Variants in SEC14L6 observed in about 807,000 individuals in gnomAD.
The protein encoded by SEC14L6 is SEC14 like lipid binding 6, also known as SEC14-like protein 6.
A neutral mutation model predicts 54.1 loss-of-function variants in SEC14L6; 40 were observed. That is an observed-to-expected ratio of 0.74 (90% CI 0.57 to 0.96). The LOEUF (loss-of-function observed/expected upper bound fraction) is 0.96, where lower values mean the gene tolerates loss of function less well. Ranked by LOEUF, SEC14L6 falls within the 40% of genes least tolerant of loss-of-function variation. The pLI is 0.00. For synonymous variants in SEC14L6, 171 were observed against 198.4 expected (o/e 0.86, Z 1.16); for missense variants, 471 against 498.3 (o/e 0.95, Z 0.52).
intron 2 of SEC14L6, among the ~76,000 whole-genome samples, chr22:30,537,578 T>TGG (rs1340304412): frequency 6.6e-6 from 1 of 152,204 alleles, no homozygotes; most frequent in Non-Finnish European, 1.5e-5. Context: ...GATGTCAGCC[T>TGG]GGGCTTCAGA....
intron 1 of SEC14L6, chr22:30,543,276 G>A (rs2085757082): frequency 6.3e-7 from 1 of 1,586,958 alleles, no homozygotes; most frequent in Admixed American, 1.7e-5. Context: ...TCACCTTGCG[G>A]GGGGACTCTT....
chr22:30,529,372 T>C, intron 6 of SEC14L6, 23 bp from the exon 7 acceptor site: 1 of 1,544,378 alleles, frequency 6.5e-7, no homozygotes, highest in Non-Finnish European at 8.8e-7. Context: ...GTGGCAGAAG[T>C]GATGGGCGTC....
intron 2 of SEC14L6, among the ~76,000 whole-genome samples, chr22:30,535,892 T>A (rs1361490064): frequency 0.058 from 8,418 of 144,626 alleles, 753 homozygotes; most frequent in African/African-American, 0.19. Context: ...TTTGTGTTTT[T>A]TTTTTTTTTT....
intron 1 of SEC14L6, chr22:30,543,871 C>A: frequency 6.4e-7 from 1 of 1,554,488 alleles, no homozygotes; most frequent in Non-Finnish European, 8.9e-7. Flanking sequence ...CCTGAACCTG[C>A]CCAAGGGGAA....
intron 3 of SEC14L6, 106 bp downstream of exon 3, chr22:30,533,890 G>A: frequency 9.2e-7 from 1 of 1,090,280 alleles, no homozygotes; most frequent in Non-Finnish European, 1.3e-6. Flanking sequence ...ATGAATGGGT[G>A]TTCCATGAAT....
intron 8 of SEC14L6, among the ~76,000 whole-genome samples, chr22:30,527,380 C>T (rs985714565): frequency 6.6e-6 from 1 of 151,516 alleles, no homozygotes; most frequent in Non-Finnish European, 1.5e-5. Flanking sequence ...ATAAAAGAAC[C>T]AAATAACCCA....
At chr22:30,546,563 G>T in intron 1 of SEC14L6, 66 bp downstream of exon 1, 1 of 1,442,208 alleles carries the variant, frequency 6.9e-7, no homozygotes. Context: ...GGGACCTTGA[G>T]TCCTGCCCTT....
At chr22:30,527,535 C>T (rs80280384) in intron 8 of SEC14L6, among the ~76,000 whole-genome samples, 1,706 of 151,670 alleles carry the variant, frequency 0.011, 26 homozygotes, top group African/African-American at 0.039. Context: ...TCTGTGTGAG[C>T]GCTACACTGA....
Position 30,531,962 on chromosome 22 carries a change from CA to C in SEC14L6, c.459del (p.Phe153LeufsTer8). 6.4e-7 allele frequency: 1 copy of C among 1,550,674 alleles called. No individual in the cohort carries two copies. On this transcript the variant is annotated frameshift_variant, in exon 6 of 12. Transcript: ENST00000402034. LOFTEE classifies it high-confidence loss of function. The part of the protein sequence containing the change: ...GKRVEKIIAI[F>X]GLEGLGLRDL... Reference sequence around the variant, plus strand: ...TCCCTCAGGCCCAGCCCTTCGAGACCAAAAATAGCTATGATTTTCTCCACCC... The same window carrying C: ...TCCCTCAGGCCCAGCCCTTCGAGACCAAAATAGCTATGATTTTCTCCACCC...
At chr22:30,537,871 C>T (rs1017468268) in intron 2 of SEC14L6, among the ~76,000 whole-genome samples, 1 of 152,218 alleles carries the variant, frequency 6.6e-6, no homozygotes, top group Admixed American at 6.5e-5. Flanking sequence ...CCAAACTCCT[C>T]TGCTTGACTC....
intron 5 of SEC14L6, chr22:30,532,270 A>T: frequency 1.0e-6 from 1 of 985,384 alleles, no homozygotes; most frequent in Non-Finnish European, 1.2e-6. Context: ...CTCTCGTCCA[A>T]TGAGGCTGCA....
At chr22:30,528,441 T>TTTTTTTTTTTTGG (rs1936854816) in intron 8 of SEC14L6, among the ~76,000 whole-genome samples, 1 of 145,648 alleles carries the variant, frequency 6.9e-6, no homozygotes, top group Admixed American at 6.9e-5. Flanking sequence ...TTTTTTTTTT[T>TTTTTTTTTTTTGG]GAGATAGGGT....
chr22:30,527,389 C>G (rs1936811397), intron 8 of SEC14L6, among the ~76,000 whole-genome samples: 1 of 151,756 alleles, frequency 6.6e-6, no homozygotes, highest in African/African-American at 2.4e-5. Context: ...CCAAATAACC[C>G]AATGTAAAAT....
rs1294300637 is a variant in SEC14L6, at chr22:30,525,166, T to C, written c.1082-57A>G. On this transcript the variant is annotated intron_variant, in intron 11 of 11. Transcript: ENST00000402034. ...GCCCCACCTGGGACTCTGACTTCCA[T>C]GGTGGTAAATCTCTGCGTGGGTACC... is the stretch of plus-strand genomic sequence containing the variant. 3.9e-6 allele frequency: 5 copies of C among 1,279,658 alleles called. No homozygotes were observed. The East Asian group carries it at 1.0e-4, about 26-fold the overall frequency. 79.3% of individuals were successfully genotyped at this position (1,279,658 alleles called of 1,614,324 possible). A position where few individuals can be genotyped will look rare whatever the true frequency, so the allele number is the denominator to read the frequency against.
At chr22:30,534,171 T>C (rs2899151) in intron 2 of SEC14L6, 132 bp from the exon 3 acceptor site, 528,441 of 725,126 alleles carry the variant, frequency 0.73, 194,747 homozygotes, top group Middle Eastern at 0.79. Flanking sequence ...GTTCTTGACC[T>C]GGGGAGCCAC....
chr22:30,539,970 A>C (rs1057181234), intron 1 of SEC14L6, among the ~76,000 whole-genome samples: 1 of 152,198 alleles, frequency 6.6e-6, no homozygotes, highest in African/African-American at 2.4e-5. Context: ...TGAATATGGT[A>C]AGGAAAAGAG....
chr22:30,543,811 A>T (rs1568976936), intron 1 of SEC14L6: 1 of 1,507,204 alleles, frequency 6.6e-7, no homozygotes, highest in Non-Finnish European at 9.2e-7. Context: ...TGAACCCGAG[A>T]AGAATGCCAG....
chr22:30,535,402 C>T (rs1601891827), intron 2 of SEC14L6, among the ~76,000 whole-genome samples: 1 of 152,310 alleles, frequency 6.6e-6, no homozygotes, highest in Non-Finnish European at 1.5e-5. Context: ...GTCCCCAGGG[C>T]CTTGGGGAGT....
intron 6 of SEC14L6, among the ~76,000 whole-genome samples, chr22:30,531,182 C>T (rs528571198): frequency 6.6e-6 from 1 of 152,184 alleles, no homozygotes; most frequent in African/African-American, 2.4e-5. Flanking sequence ...GTAAGGCAGG[C>T]AGATCACCTG....
Sources: allele counts gnomAD v4.1 joint callset (sites outside exome capture counted in the v4.1 genomes callset), GRCh38; gene constraint gnomAD v4.1.1; transcripts MANE v1.5; gene names NCBI Gene and HGNC (gene_info 2026-07-23, HGNC 2026-07-21).